Variants in PTPRF observed in about 807,000 individuals in gnomAD.
PTPRF encodes receptor-type tyrosine-protein phosphatase F.
A neutral mutation model predicts 201.8 loss-of-function variants in PTPRF; 59 were observed. The ratio of observed to expected loss-of-function variants is 0.29; its 90% CI spans 0.24 to 0.36. PTPRF has a LOEUF of 0.36. Ranked by LOEUF, PTPRF falls within the 10% of genes least tolerant of loss-of-function variation. The pLI is 1.00. For missense variants in PTPRF, 2,132 were observed against 2,690.5 expected (o/e 0.79, Z 4.59); for synonymous variants, 1,088 against 1,089.7 (o/e 1.00, Z 0.03).
chr1:43,607,083 C>G, intron 21 of PTPRF, 115 bp downstream of exon 21: 6 of 1,364,552 alleles, frequency 4.4e-6, no homozygotes, highest in Admixed American at 1.9e-5. Context: ...CCCTGAGCCT[C>G]AGGCTCAGCA....
At chr1:43,596,400 G>A (rs1652271104) in intron 11 of PTPRF, among the ~76,000 whole-genome samples, 1 of 152,114 alleles carries the variant, frequency 6.6e-6, no homozygotes, top group Non-Finnish European at 1.5e-5. Context: ...AAGTCCCCAT[G>A]GCAGGGGGTG....
At chr1:43,577,769 G>A (rs939358821) in intron 6 of PTPRF, among the ~76,000 whole-genome samples, 2 of 152,200 alleles carry the variant, frequency 1.3e-5, no homozygotes, top group African/African-American at 4.8e-5. Context: ...GGTTTTGTCA[G>A]ACTGTGTCCT....
intron 21 of PTPRF, among the ~76,000 whole-genome samples, chr1:43,607,710 A>G (rs776687478): frequency 6.6e-6 from 1 of 152,194 alleles, no homozygotes; most frequent in African/African-American, 2.4e-5. Flanking sequence ...ACATTGCGAC[A>G]CTGAACTCAT....
upstream of PTPRF, among the ~76,000 whole-genome samples, chr1:43,522,773 C>T (rs1365613461): frequency 2.6e-5 from 4 of 152,144 alleles, no homozygotes; most frequent in South Asian, 6.2e-4. Flanking sequence ...AGGAAGCTGG[C>T]GCCACCGCAG....
rs1418668402 is a variant in PTPRF, at chr1:43,603,144, A to G, written c.2341-272A>G. On this transcript the variant is annotated intron_variant, in intron 14 of 33. Coordinates refer to ENST00000359947, the MANE Select transcript of PTPRF (RefSeq NM_002840.5). This position sits in a 1 kb window ranked among gnomAD's most constrained non-coding sequence, Gnocchi z 5.8. ...CGTTCACAGCACAGTGGAGTGAGGG[A>G]AACAGTCTGGCCCTTTGTTCTTGTC... is the stretch of plus-strand genomic sequence containing the variant. Among the ~76,000 whole-genome samples the G allele has an allele frequency of 6.6e-6, 1 of 152,140 alleles. No individual in the cohort carries two copies.
chr1:43,569,800 A>C lies in PTPRF; in HGVS notation c.568+22A>C, dbSNP rs767511065. 13 of 1,593,458 alleles carry C rather than the reference A, an allele frequency of 8.2e-6. No homozygotes were observed. The African/African-American group carries it at 1.3e-4, about 16-fold the overall frequency. ...TCAGGTGAGCAGAGGGCAGGGGTCA[A>C]GGGGCCATGCAGACCTCAGAACAAG... is the stretch of plus-strand genomic sequence containing the variant. On this transcript the variant is annotated intron_variant, in intron 6 of 33. Transcript: ENST00000359947.
chr1:43,566,482 C>T (rs935448996), intron 5 of PTPRF, among the ~76,000 whole-genome samples: 2 of 152,164 alleles, frequency 1.3e-5, no homozygotes, highest in African/African-American at 4.8e-5. Context: ...TTGCCCAGGT[C>T]CTCAGCCTGA....
chr1:43,602,035 A>C lies in PTPRF; in HGVS notation c.2314-36A>C, dbSNP rs778685757. The C allele has an allele frequency of 2.5e-6, 4 of 1,605,594 alleles. No homozygotes were observed. In the South Asian group the frequency reaches 4.4e-5, roughly 18 times the overall value. On this transcript the variant is annotated intron_variant, in intron 13 of 33. Coordinates refer to ENST00000359947, the MANE Select transcript of PTPRF (RefSeq NM_002840.5). ...CCTCTCCAGGTCAGAGTCCTTCACCATCCTGTCTCCCTTTCTCTCCCTCTC... is the reference window on the plus strand; with the variant it reads ...CCTCTCCAGGTCAGAGTCCTTCACCCTCCTGTCTCCCTTTCTCTCCCTCTC...
At position 43,588,680 on chromosome 1, in the gene PTPRF, C is replaced by CCCGGCATGG. The variant is rs1205814906; in HGVS notation, c.680-51_680-50insCCGGCATGG. On this transcript the variant is annotated intron_variant, in intron 7 of 33. Transcript: ENST00000359947. The surrounding 1 kb of genome is among the most constrained non-coding windows in gnomAD (Gnocchi z 5.3). ...AATGAGGGGCCCCTGCCCTTCCATGCAGTCGTGTGTCCTGCCCGGCCTGTG... is the reference window on the plus strand; with the variant it reads ...AATGAGGGGCCCCTGCCCTTCCATGCCCGGCATGGAGTCGTGTGTCCTGCCCGGCCTGTG... 2 of 1,596,712 alleles carry CCCGGCATGG rather than the reference C, an allele frequency of 1.3e-6. No homozygotes were observed. Among genetic ancestry groups the CCCGGCATGG allele is most frequent in the Admixed American group, 3.4e-5 (2 of 59,190 alleles).
At chr1:43,580,335 G>C (rs149732814) in intron 7 of PTPRF, among the ~76,000 whole-genome samples, 2 of 152,350 alleles carry the variant, frequency 1.3e-5, no homozygotes, top group East Asian at 3.9e-4. Context: ...GTTGCTGTCT[G>C]TCATGGGAGA....
chr1:43,606,563 G>A, intron 20 of PTPRF, 105 bp downstream of exon 20: 1 of 1,222,870 alleles, frequency 8.2e-7, no homozygotes, highest in Non-Finnish European at 1.1e-6. Flanking sequence ...ATCAGTTTGG[G>A]GGCTTCGAGA....
intron 7 of PTPRF, among the ~76,000 whole-genome samples, chr1:43,584,837 C>T (rs752175774): frequency 2.6e-4 from 40 of 152,168 alleles, no homozygotes; most frequent in Admixed American, 2.6e-4. Context: ...GTGTTATTTT[C>T]ATCAGAGAAA....
Position 43,621,160 on chromosome 1 carries a change from C to T in PTPRF, c.5583C>T (p.Tyr1861=), listed in dbSNP as rs1143702. 0.65 allele frequency: 1,045,903 copies of T among 1,613,854 alleles called. 342,542 individuals carry two copies. Among genetic ancestry groups the T allele is most frequent in the Non-Finnish European group, 0.67 (796,310 of 1,179,852 alleles). ...GCATCGTCCTGGAGCGCATGCGCTACGAGGGCGTGGTCGACATGTTTCAGA... is the reference window on the plus strand; with the variant it reads ...GCATCGTCCTGGAGCGCATGCGCTATGAGGGCGTGGTCGACATGTTTCAGA... ...TLSIVLERMR[Y]EGVVDMFQTV... Residue 1861 remains tyrosine (Y), a synonymous_variant, in exon 33 of 34, where the codon TAC becomes TAT. Coordinates refer to ENST00000359947, the MANE Select transcript of PTPRF (RefSeq NM_002840.5).
upstream of PTPRF, among the ~76,000 whole-genome samples, chr1:43,524,747 T>C (rs1306274237): frequency 6.6e-6 from 1 of 151,684 alleles, no homozygotes. Flanking sequence ...TGGGGAGGTG[T>C]GTGAATGTGC....
At chr1:43,561,441 G>C (rs1485197630) in intron 5 of PTPRF, among the ~76,000 whole-genome samples, 1 of 152,146 alleles carries the variant, frequency 6.6e-6, no homozygotes, top group African/African-American at 2.4e-5. Context: ...GGCTTCCCAA[G>C]TGGCAAGATG....
chr1:43,590,060 T>C (rs1650257828), intron 8 of PTPRF, among the ~76,000 whole-genome samples: 1 of 152,204 alleles, frequency 6.6e-6, no homozygotes, highest in East Asian at 1.9e-4. Context: ...GGATCCTCAC[T>C]GTGGTCTCCC....
chr1:43,598,192 G>A (rs1357363110), intron 12 of PTPRF, 139 bp downstream of exon 12: 6 of 914,240 alleles, frequency 6.6e-6, no homozygotes, highest in Non-Finnish European at 9.2e-6. Context: ...CTAAAGTGGG[G>A]GGATGTCACT....
At chr1:43,593,497 C>G (rs1340222377) in intron 11 of PTPRF, among the ~76,000 whole-genome samples, 1 of 152,178 alleles carries the variant, frequency 6.6e-6, no homozygotes, top group Non-Finnish European at 1.5e-5. Flanking sequence ...GCGTGAGACT[C>G]TGTGTGATAG....
rs890422354 is a variant in PTPRF, at chr1:43,540,130, T to C, written c.-46+1853T>C. 3.5e-4 allele frequency among the ~76,000 whole-genome samples: 53 copies of C among 152,132 alleles called. 1 individual carries two copies. The highest frequency in any genetic ancestry group is 1.2e-3 in the African/African-American group (49 of 41,408). ...CTTATTGTGGGGGCAGGGCTTGTTA[T>C]TGTAGGGTGTCTAGCAGCATCCCTG... On this transcript the variant is annotated intron_variant, in intron 2 of 33. Transcript: ENST00000359947.
Sources: gnomAD v4.1 joint callset for allele counts (sites outside exome capture counted in the v4.1 genomes callset) on GRCh38, gnomAD v4.1.1 for gene constraint, Gnocchi (gnomAD v3.1) non-coding constraint, MANE v1.5 for transcripts, NCBI Gene and HGNC (gene_info 2026-07-23, HGNC 2026-07-21) for gene names.